TNRC6B: variants seen among roughly 807,000 people sequenced by gnomAD.
TNRC6B encodes trinucleotide repeat containing adaptor 6B, also known as trinucleotide repeat-containing gene 6B protein.
TNRC6B carries 52 observed loss-of-function variants against 203.6 expected under a neutral mutation model. The ratio of observed to expected loss-of-function variants is 0.26; its 90% CI spans 0.20 to 0.32. The LOEUF (loss-of-function observed/expected upper bound fraction) is 0.32, where lower values mean the gene tolerates loss of function less well. Among genes scored for constraint, TNRC6B ranks in the 10% least tolerant of loss-of-function variants. The pLI is 1.00. For synonymous variants in TNRC6B, 838 were observed against 845.7 expected (o/e 0.99, Z 0.16); for missense variants, 1,923 against 2,286.2 (o/e 0.84, Z 3.24).
chr22:40,248,426 T>A (rs1402835539), intron 2 of TNRC6B, among the ~76,000 whole-genome samples: 1 of 152,238 alleles, frequency 6.6e-6, no homozygotes, highest in East Asian at 1.9e-4. Context: ...CAAAGGCTGT[T>A]AACAAGAGGA....
intron 1 of TNRC6B, among the ~76,000 whole-genome samples, chr22:40,097,898 C>T (rs566403659): frequency 2.6e-5 from 4 of 152,152 alleles, no homozygotes; most frequent in East Asian, 1.9e-4. Flanking sequence ...CAGCTAGCCT[C>T]AAAATCCTGA....
chr22:40,170,718 C>G (rs1353770806), intron 4 of TNRC6B, among the ~76,000 whole-genome samples: 3 of 136,770 alleles, frequency 2.2e-5, no homozygotes, highest in Non-Finnish European at 3.1e-5. Flanking sequence ...CATATATAAA[C>G]ATACATATAT....
chr22:40,133,908 T>G (rs964262967), intron 3 of TNRC6B, among the ~76,000 whole-genome samples: 1 of 136,760 alleles, frequency 7.3e-6, no homozygotes, highest in Non-Finnish European at 1.5e-5. Context: ...AGGCGGAGGT[T>G]GTGGTGAGCC....
chr22:40,308,388 T>C (rs935691368), intron 15 of TNRC6B, 124 bp from the exon 16 acceptor site: 16 of 1,135,094 alleles, frequency 1.4e-5, no homozygotes, highest in Non-Finnish European at 2.1e-5. Context: ...AAAATACCTG[T>C]TTCTGAGTGG....
At chr22:40,183,391 A>G (rs2069161048) in intron 1 of TNRC6B, among the ~76,000 whole-genome samples, 1 of 152,182 alleles carries the variant, frequency 6.6e-6, no homozygotes. Context: ...AGCCTGCACA[A>G]GGACAGGAGC....
At chr22:40,222,726 C>CTTTTTT (rs1601896876) in intron 1 of TNRC6B, among the ~76,000 whole-genome samples, 10 of 79,070 alleles carry the variant, frequency 1.3e-4, no homozygotes, top group African/African-American at 4.6e-4. Context: ...CTCTCTCTCT[C>CTTTTTT]TCTTTTTTTT....
chr22:40,188,191 A>C (rs1200285424), intron 1 of TNRC6B, among the ~76,000 whole-genome samples: 1 of 152,244 alleles, frequency 6.6e-6, no homozygotes, highest in East Asian at 1.9e-4. Flanking sequence ...CCTGGGCGAC[A>C]GAGCAACACT....
At chr22:40,259,471 C>T (rs2070341283) in intron 3 of TNRC6B, among the ~76,000 whole-genome samples, 1 of 152,212 alleles carries the variant, frequency 6.6e-6, no homozygotes, top group African/African-American at 2.4e-5. Context: ...ATCTACCCAC[C>T]TCGGCCTCCC....
At position 40,270,284 on chromosome 22, in the gene TNRC6B, A is replaced by T; in HGVS notation, c.2965+4A>T. On this transcript the variant is annotated splice_donor_region_variant and intron_variant, in intron 6 of 22. Coordinates refer to ENST00000454349, the MANE Select transcript of TNRC6B (RefSeq NM_001162501.2). ...GCTCCCAATGCCATGAAGCCTAGTAAGTGTGAAGCTTTTCATTTTTGAGGG... is the reference window on the plus strand; with the variant it reads ...GCTCCCAATGCCATGAAGCCTAGTATGTGTGAAGCTTTTCATTTTTGAGGG... 2 of 1,381,276 alleles carry T rather than the reference A, an allele frequency of 1.4e-6. No homozygotes were observed. The highest frequency in any genetic ancestry group is 1.9e-6 in the Non-Finnish European group (2 of 1,061,914). 85.6% of individuals were successfully genotyped at this position (1,381,276 alleles called of 1,614,324 possible).
chr22:40,140,018 T>C (rs2068632220), intron 3 of TNRC6B, among the ~76,000 whole-genome samples: 1 of 152,256 alleles, frequency 6.6e-6, no homozygotes, highest in Non-Finnish European at 1.5e-5. Flanking sequence ...GTATATAGTA[T>C]GTGACATAGA....
chr22:40,055,466 T>C (rs974664554), intron 1 of TNRC6B, among the ~76,000 whole-genome samples: 5 of 152,116 alleles, frequency 3.3e-5, no homozygotes, highest in African/African-American at 1.2e-4. Context: ...GGCATTAGGG[T>C]ACAGGGCTAA....
intron 1 of TNRC6B, among the ~76,000 whole-genome samples, chr22:40,214,292 G>A (rs2069604210): frequency 6.6e-6 from 1 of 151,566 alleles, no homozygotes; most frequent in Non-Finnish European, 1.5e-5. Flanking sequence ...AAAAAAAAAA[G>A]GGTAACATGA....
intron 1 of TNRC6B, among the ~76,000 whole-genome samples, chr22:40,083,671 T>C (rs1390143698): frequency 6.6e-6 from 1 of 151,786 alleles, no homozygotes; most frequent in Non-Finnish European, 1.5e-5. Context: ...AATTGCAAGA[T>C]TGGAGTTTAT....
intron 7 of TNRC6B, 174 bp from the exon 8 acceptor site, chr22:40,276,903 T>C (rs2070652464): frequency 2.4e-6 from 1 of 418,930 alleles, no homozygotes. Flanking sequence ...AACATAGATA[T>C]AACTAGGGCT....
At chr22:40,239,393 G>A (rs776750216) in intron 1 of TNRC6B, among the ~76,000 whole-genome samples, 11 of 152,120 alleles carry the variant, frequency 7.2e-5, no homozygotes, top group Non-Finnish European at 1.3e-4. Flanking sequence ...TGCCAGTACC[G>A]GTGTCATCTG....
At chr22:40,198,746 G>A (rs759423834) in intron 1 of TNRC6B, among the ~76,000 whole-genome samples, 8 of 152,004 alleles carry the variant, frequency 5.3e-5, no homozygotes, top group African/African-American at 1.4e-4. Context: ...AATAAGGACC[G>A]ATAAAAATAG....
chr22:40,099,666 T>C (rs1274424391), intron 1 of TNRC6B, among the ~76,000 whole-genome samples: 5 of 152,246 alleles, frequency 3.3e-5, no homozygotes, highest in Non-Finnish European at 7.3e-5. Context: ...AGAGATTACA[T>C]TTAAAGAATA....
At chr22:40,261,689 T>A (rs2070385341) in intron 3 of TNRC6B, 143 bp from the exon 4 acceptor site, 2 of 612,544 alleles carry the variant, frequency 3.3e-6, no homozygotes, top group Non-Finnish European at 4.9e-6. Context: ...GGTGGGAGAG[T>A]CCCTTGAGCC....
intron 4 of TNRC6B, among the ~76,000 whole-genome samples, chr22:40,171,157 T>TG (rs1491354418): frequency 8.0e-6 from 1 of 125,002 alleles, no homozygotes; most frequent in Non-Finnish European, 1.7e-5. Flanking sequence ...TAAATGCTAA[T>TG]TTTTTTTTTT....
Sources: gnomAD v4.1 joint callset for allele counts (sites outside exome capture counted in the v4.1 genomes callset) on GRCh38, gnomAD v4.1.1 for gene constraint, MANE v1.5 for transcripts, NCBI Gene and HGNC (gene_info 2026-07-23, HGNC 2026-07-21) for gene names.